LUZP2: variants seen among roughly 807,000 people sequenced by gnomAD.
LUZP2 encodes leucine zipper protein 2.
A neutral mutation model predicts 51.6 loss-of-function variants in LUZP2; 52 were observed. The ratio of observed to expected loss-of-function variants is 1.01; its 90% CI spans 0.81 to 1.27. The LOEUF (loss-of-function observed/expected upper bound fraction) is 1.27. Among genes scored for constraint, LUZP2 ranks in the 50% most tolerant of loss-of-function variants. The pLI is 0.00. For synonymous variants in LUZP2, 154 were observed against 137.3 expected, an observed-to-expected ratio of 1.12 and a Z score of -0.85; for missense variants, 436 against 395.4, an observed-to-expected ratio of 1.10 and a Z score of -0.87.
intron 1 of LUZP2, among the ~76,000 whole-genome samples, chr11:24,570,160 A>T (rs908097205): frequency 6.6e-6 from 1 of 151,996 alleles, no homozygotes; most frequent in East Asian, 1.9e-4. Context: ...GCAAAATTCC[A>T]TGTATATACT....
chr11:24,926,617 A>G (rs1269826835), intron 7 of LUZP2, among the ~76,000 whole-genome samples: 1 of 145,514 alleles, frequency 6.9e-6, no homozygotes, highest in South Asian at 2.2e-4. Flanking sequence ...ATATATGTAT[A>G]TATATATGTG....
At chr11:24,995,359 C>T (rs1856461303) in intron 9 of LUZP2, among the ~76,000 whole-genome samples, 1 of 152,134 alleles carries the variant, frequency 6.6e-6, no homozygotes, top group Non-Finnish European at 1.5e-5. Context: ...CACCACTACA[C>T]TCCAGACTGG....
intron 9 of LUZP2, among the ~76,000 whole-genome samples, chr11:25,028,136 A>G (rs1857549616): frequency 6.6e-6 from 1 of 152,136 alleles, no homozygotes; most frequent in Non-Finnish European, 1.5e-5. Flanking sequence ...ACAAGCATAC[A>G]ATGCGTAATA....
intron 1 of LUZP2, among the ~76,000 whole-genome samples, chr11:24,578,154 A>G (rs1590202046): frequency 9.6e-6 from 1 of 104,084 alleles, no homozygotes; most frequent in South Asian, 3.0e-4. Context: ...TTTTCAGCTT[A>G]CTTTTTAATT....
At chr11:24,981,306 T>C (rs1590800221) in intron 8 of LUZP2, among the ~76,000 whole-genome samples, 1 of 151,874 alleles carries the variant, frequency 6.6e-6, no homozygotes, top group African/African-American at 2.4e-5. Flanking sequence ...TAGGGTAACT[T>C]TGTGACCTTG....
intron 5 of LUZP2, among the ~76,000 whole-genome samples, chr11:24,793,796 T>C (rs1203183036): frequency 6.6e-6 from 1 of 152,288 alleles, no homozygotes; most frequent in African/African-American, 2.4e-5. Flanking sequence ...AAACAGCTCT[T>C]AGGCAACAGC....
chr11:25,023,327 A>T (rs1857393699), intron 9 of LUZP2, among the ~76,000 whole-genome samples: 1 of 151,914 alleles, frequency 6.6e-6, no homozygotes, highest in Non-Finnish European at 1.5e-5. Context: ...ACAGTCTGTT[A>T]TTGGTCTATT....
chr11:24,746,866 G>T lies in LUZP2; in HGVS notation c.333+8564G>T, dbSNP rs529683676. Among the ~76,000 whole-genome samples, 3 of 152,214 alleles carry T rather than the reference G, an allele frequency of 2.0e-5. No homozygotes were observed. The South Asian group carries it at 6.2e-4, about 32-fold the overall frequency. On this transcript the variant is annotated intron_variant, in intron 4 of 11. Transcript: ENST00000336930. ...TATTGTGAGACTTTCCAGAGCATTT[G>T]CATTTCTATAAGTATGTCCAATGTT...
chr11:24,838,530 A>G (rs1275008189), intron 5 of LUZP2, among the ~76,000 whole-genome samples: 1 of 151,636 alleles, frequency 6.6e-6, no homozygotes, highest in Non-Finnish European at 1.5e-5. Flanking sequence ...AAAACCTCAT[A>G]TATTGTACGC....
chr11:24,778,917 G>T (rs944196124), intron 5 of LUZP2, among the ~76,000 whole-genome samples: 1 of 152,118 alleles, frequency 6.6e-6, no homozygotes, highest in African/African-American at 2.4e-5. Flanking sequence ...AGTAATACCT[G>T]AGTACTAAAC....
intron 1 of LUZP2, among the ~76,000 whole-genome samples, chr11:24,693,054 CCATA>C (rs1358770390): frequency 6.6e-6 from 1 of 151,722 alleles, no homozygotes; most frequent in Admixed American, 6.6e-5. Context: ...ATTTTTGCTA[CCATA>C]CCAGGTACCA....
intron 6 of LUZP2, among the ~76,000 whole-genome samples, chr11:24,912,886 A>G (rs1206516123): frequency 6.6e-6 from 1 of 152,148 alleles, no homozygotes; most frequent in Non-Finnish European, 1.5e-5. Context: ...AAACATATAC[A>G]TGCATTGTAA....
intron 1 of LUZP2, among the ~76,000 whole-genome samples, chr11:24,629,120 G>A (rs1565039913): frequency 2.0e-5 from 3 of 151,922 alleles, no homozygotes; most frequent in Admixed American, 6.6e-5. Context: ...GGATACAAGT[G>A]CAATTTTGTT....
At chr11:24,563,680 C>T (rs557250229) in intron 1 of LUZP2, among the ~76,000 whole-genome samples, 82 of 151,918 alleles carry the variant, frequency 5.4e-4, no homozygotes, top group Non-Finnish European at 6.5e-4. Context: ...TTTAGAGAAA[C>T]TAATTCATCT....
intron 1 of LUZP2, among the ~76,000 whole-genome samples, chr11:24,594,313 G>T (rs972825119): frequency 6.6e-6 from 1 of 152,136 alleles, no homozygotes. Flanking sequence ...GGTAATATTT[G>T]GAAGGACAGT....
At chr11:24,685,563 T>A (rs1221005650) in intron 1 of LUZP2, among the ~76,000 whole-genome samples, 1 of 150,676 alleles carries the variant, frequency 6.6e-6, no homozygotes, top group Non-Finnish European at 1.5e-5. Context: ...CCCACACTGT[T>A]ACTAATATCA....
At chr11:24,645,916 T>C (rs1855447525) in intron 1 of LUZP2, among the ~76,000 whole-genome samples, 1 of 151,960 alleles carries the variant, frequency 6.6e-6, no homozygotes. Flanking sequence ...TCATTAATCC[T>C]TGTGGAATCA....
intron 9 of LUZP2, among the ~76,000 whole-genome samples, chr11:25,047,861 C>T (rs947805955): frequency 3.3e-5 from 5 of 152,028 alleles, no homozygotes; most frequent in African/African-American, 4.8e-5. Flanking sequence ...GACCCTATGC[C>T]GGGTAAGAGT....
intron 7 of LUZP2, among the ~76,000 whole-genome samples, chr11:24,943,086 A>C (rs901568547): frequency 4.6e-5 from 7 of 152,216 alleles, no homozygotes; most frequent in African/African-American, 1.7e-4. Flanking sequence ...GTCCATATAA[A>C]GCTCCTTTGA....
Sources: gnomAD v4.1 joint callset for allele counts (sites outside exome capture counted in the v4.1 genomes callset) on GRCh38, gnomAD v4.1.1 for gene constraint, MANE v1.5 for transcripts, NCBI Gene and HGNC (gene_info 2026-07-23, HGNC 2026-07-21) for gene names.